The following CPSF1 variants were observed in gnomAD, a reference collection of about 807,000 sequenced individuals.
CPSF1 encodes cleavage and polyadenylation specificity factor subunit 1.
A neutral mutation model predicts 175.8 loss-of-function variants in CPSF1; 106 were observed. The ratio of observed to expected loss-of-function variants is 0.60; its 90% CI spans 0.52 to 0.71. The LOEUF (loss-of-function observed/expected upper bound fraction) is 0.71. Ranked by LOEUF, CPSF1 falls within the 30% of genes least tolerant of loss-of-function variation. CPSF1 has a pLI of 0.00. For missense variants in CPSF1, 1,734 were observed against 2,022.9 expected (o/e 0.86, Z 2.74); for synonymous variants, 1,024 against 858.3 (o/e 1.19, Z -3.37).
In CPSF1 at chr8:144,397,891, G is replaced by C. The variant is rs537269949; in HGVS notation, c.2074-12C>G. The stretch of plus-strand genomic sequence containing the variant: ...ATCACCTTGGACTGCTGCGGGGAGA[G>C]GGGTGGGCTCAGCGGCGGGCAAGGG... On this transcript the variant is annotated splice_polypyrimidine_tract_variant and intron_variant, in intron 20 of 37. Transcript: ENST00000616140. The C allele has an allele frequency of 5.0e-6, 8 of 1,601,024 alleles. No individual in the cohort carries two copies. The East Asian group carries it at 9.0e-5, about 18-fold the overall frequency.
chr8:144,393,627 G>A (rs782673506), intron 36 of CPSF1, 37 bp from the exon 37 acceptor site: 1 of 1,588,400 alleles, frequency 6.3e-7, no homozygotes. Context: ...GGCAGGCTGG[G>A]GTGGAGGGGG....
chr8:144,395,554 G>C lies in CPSF1; in HGVS notation c.2980-3C>G. 1 of 1,595,462 alleles carries C rather than the reference G, an allele frequency of 6.3e-7. No homozygotes were observed. The highest frequency in any genetic ancestry group is 8.6e-7 in the Non-Finnish European group (1 of 1,166,520). On this transcript the variant is annotated splice_polypyrimidine_tract_variant and splice_region_variant and intron_variant, in intron 26 of 37. Coordinates refer to ENST00000616140, the MANE Select transcript of CPSF1 (RefSeq NM_013291.3). Reference sequence around the variant, plus strand: ...AGGACACTGATCCTCAGCTCGCCCTGGGGTGGGGGCACAGGGGTCAGGGGA... The same window carrying C: ...AGGACACTGATCCTCAGCTCGCCCTCGGGTGGGGGCACAGGGGTCAGGGGA...
rs2116906488 is a variant in CPSF1, at chr8:144,406,856, G to A, written c.144+2159C>T. On this transcript the variant is annotated intron_variant, in intron 2 of 37. Coordinates refer to ENST00000616140, the MANE Select transcript of CPSF1 (RefSeq NM_013291.3). ...AATGCTGGGAGGTGTTGCACCCTCC[G>A]CAACCCCCACCAGGGTTGGTAGATA... 1.8e-4 allele frequency among the ~76,000 whole-genome samples: 28 copies of A among 152,294 alleles called. No homozygotes were observed. The South Asian group carries it at 5.6e-3, about 30-fold the overall frequency.
At position 144,397,995 on chromosome 8, in the gene CPSF1, G is replaced by A. The variant is rs782215456; in HGVS notation, c.2032C>T (p.Arg678Cys). ...TTGTGCAGCGCCAGGCGGTGGTGGC[G>A]GCCACCGTAGGAGTCACTCTTCAGC... ...FLLKSDSYGG[R>C]HHRLALHKPP... Residue 678 changes from arginine to cysteine, a missense_variant, in exon 20 of 38, where the codon CGC becomes TGC. Transcript: ENST00000616140. The A allele has an allele frequency of 3.7e-5, 59 of 1,610,982 alleles. 1 individual carries two copies. Among genetic ancestry groups the A allele is most frequent in the East Asian group, 2.9e-4 (13 of 44,882 alleles).
chr8:144,397,273 C>T lies in CPSF1; in HGVS notation c.2526G>A (p.Glu842=). The T allele has an allele frequency of 6.5e-7, 1 of 1,549,366 alleles. No individual in the cohort carries two copies. The highest frequency in any genetic ancestry group is 2.4e-5 in the East Asian group (1 of 41,000). The change falls in exon 23 of 38, where the codon GAG becomes GAA. Residue 842 remains glutamate (E), a synonymous_variant. Transcript: ENST00000616140. ...ARREEATRQG[E]LPLVKEVLLV... ...GCAGCACCTCCTTGACGAGGGGCAG[C>T]TCCCCCTGGCGCGTGGCCTCCTCCC...
Position 144,397,391 on chromosome 8 carries a change from C to A in CPSF1, c.2408G>T (p.Arg803Leu). The A allele has an allele frequency of 6.4e-7, 1 of 1,570,770 alleles. No homozygotes were observed. The highest frequency in any genetic ancestry group is 8.6e-7 in the Non-Finnish European group (1 of 1,157,952). Residue 803 changes from arginine (R) to leucine (L), a missense_variant, in exon 23 of 38, where the codon CGG (arginine) becomes CTG (leucine). Coordinates refer to ENST00000616140, the MANE Select transcript of CPSF1 (RefSeq NM_013291.3). ...TMEIYQLPDWRLVFLVKNFPV... is the reference protein window; with the variant it reads ...TMEIYQLPDWLLVFLVKNFPV... ...GAAGTTCTTCACCAGGAACACCAGC[C>A]GCCAGTCGGGAAGCTGGTAGATCTG...
Position 144,395,172 on chromosome 8 carries a change from G to A in CPSF1, c.3198C>T (p.Tyr1066=), listed in dbSNP as rs376799061. Residue 1066 remains tyrosine (Y), a synonymous_variant, in exon 29 of 38, where the codon TAC becomes TAT. Transcript: ENST00000616140. ...AGAAGGCCTCCTGCTGGGGGTGGATGTACCGCTCATCTGTGGGGACCAAGG... is the reference window on the plus strand; with the variant it reads ...AGAAGGCCTCCTGCTGGGGGTGGATATACCGCTCATCTGTGGGGACCAAGG... ...EFETIERDER[Y]IHPQQEAFSI... 3.6e-5 allele frequency: 58 copies of A among 1,612,590 alleles called. No homozygotes were observed. Among genetic ancestry groups the A allele is most frequent in the African/African-American group, 2.1e-4 (16 of 74,926 alleles).
rs1554862106 is a variant in CPSF1, at chr8:144,393,550, G to A, written c.4186C>T (p.Arg1396Cys). The A allele has an allele frequency of 6.2e-7, 1 of 1,603,884 alleles. No homozygotes were observed. Among genetic ancestry groups the A allele is most frequent in the Non-Finnish European group, 8.5e-7 (1 of 1,177,032 alleles). The part of the protein sequence containing the change: ...VDRRTLQNAV[R>C]NVLDGELLNR... ...AGCAGCTCCCCATCCAGCACGTTGC[G>A]CACGGCATTCTGGAGGGTGCGGCGG... Residue 1396 changes from arginine (R) to cysteine (C), a missense_variant, in exon 37 of 38, where the codon CGC becomes TGC. Physicochemically the swap from Arg to Cys is radical, Grantham distance 180 (BLOSUM62 -3). Around this residue, in one of 10 missense-constraint regions of CPSF1, gnomAD observed 323 missense variants for 338.5 expected, o/e 0.95. Transcript: ENST00000616140.
chr8:144,402,606 T>A (rs1196828488), intron 2 of CPSF1, among the ~76,000 whole-genome samples: 2 of 152,120 alleles, frequency 1.3e-5, no homozygotes, highest in Admixed American at 1.3e-4. Flanking sequence ...CAAGGTCATT[T>A]TTCACGATGG....
chr8:144,408,039 A>G (rs1554869652), intron 2 of CPSF1, among the ~76,000 whole-genome samples: 1 of 152,130 alleles, frequency 6.6e-6, no homozygotes, highest in Non-Finnish European at 1.5e-5. Context: ...CTGGCCAGCA[A>G]ATACATATGT....
At position 144,399,008 on chromosome 8, in the gene CPSF1, T is replaced by G; in HGVS notation, c.1498A>C (p.Ile500Leu). ...FQNSPEPDLE[I>L]VVCSGHGKNG... Reference sequence around the variant, plus strand: ...TTCCCGTGGCCGGAGCAAACCACAATCTCCAGGTCCGGCTCGGGGCTGTTC... The same window carrying G: ...TTCCCGTGGCCGGAGCAAACCACAAGCTCCAGGTCCGGCTCGGGGCTGTTC... Residue 500 changes from isoleucine (I) to leucine (L), a missense_variant, in exon 16 of 38, where the codon ATT becomes CTT. Physicochemically the swap from Ile to Leu is conservative, Grantham distance 5. Around this residue, in one of 10 missense-constraint regions of CPSF1, gnomAD observed 280 missense variants for 349.2 expected, o/e 0.80. Coordinates refer to ENST00000616140, the MANE Select transcript of CPSF1 (RefSeq NM_013291.3). The surrounding 1 kb of genome is among the most constrained non-coding windows in gnomAD (Gnocchi z 6.4). The G allele has an allele frequency of 1.2e-6, 2 of 1,610,354 alleles. No individual in the cohort carries two copies. The highest frequency in any genetic ancestry group is 1.7e-6 in the Non-Finnish European group (2 of 1,178,970).
chr8:144,396,775 G>A (rs375826495), intron 24 of CPSF1, 34 bp from the exon 25 acceptor site: 56 of 1,612,882 alleles, frequency 3.5e-5, no homozygotes, highest in Non-Finnish European at 4.7e-5. Context: ...TCCAGGGGCT[G>A]CCGGTCTGAA....
intron 26 of CPSF1, 170 bp downstream of exon 26, chr8:144,396,178 G>A (rs1007267613): frequency 1.4e-6 from 1 of 717,736 alleles, no homozygotes; most frequent in Non-Finnish European, 2.3e-6. Flanking sequence ...CCAGACCTTT[G>A]GAGCAACCAA....
intron 2 of CPSF1, among the ~76,000 whole-genome samples, chr8:144,404,639 G>C (rs1554868482): frequency 2.0e-5 from 3 of 151,664 alleles, no homozygotes; most frequent in African/African-American, 7.3e-5. Flanking sequence ...CAAAGTGCTG[G>C]GATTACAGGC....
In CPSF1 at chr8:144,397,499, A is replaced by G; in HGVS notation, c.2373T>C (p.Asn791=). Residue 791 remains asparagine, a synonymous_variant, in exon 22 of 38, where the codon AAT becomes AAC. Coordinates refer to ENST00000616140, the MANE Select transcript of CPSF1 (RefSeq NM_013291.3). ...GGGCACCACCTACCTCCATGGTGCC[A>G]TTCTCCCGCACCAGCAGGCACCAGT... ...PTHWCLLVRE[N]GTMEIYQLPD... 5 of 1,593,744 alleles carry G rather than the reference A, an allele frequency of 3.1e-6. No homozygotes were observed. The highest frequency in any genetic ancestry group is 4.3e-6 in the Non-Finnish European group (5 of 1,165,504).
At position 144,396,658 on chromosome 8, in the gene CPSF1, A is replaced by C. The variant is rs782263300; in HGVS notation, c.2766T>G (p.Ala922=). 18 of 1,613,738 alleles carry C rather than the reference A, an allele frequency of 1.1e-5. No homozygotes were observed. The highest frequency in any genetic ancestry group is 1.5e-5 in the Non-Finnish European group (18 of 1,180,018). Residue 922 remains alanine (A), a synonymous_variant, in exon 25 of 38, where the codon GCT becomes GCG. Transcript: ENST00000616140. ...KAEGGGAEEG[A]GARGRVARFR... ...AACGCGCCACGCGGCCCCGGGCCCCAGCCCCCTCCTCTGCGCCGCCACCTT... is the reference window on the plus strand; with the variant it reads ...AACGCGCCACGCGGCCCCGGGCCCCCGCCCCCTCCTCTGCGCCGCCACCTT...
Position 144,398,583 on chromosome 8 carries a change from G to C in CPSF1, c.1694C>G (p.Ala565Gly). 1 of 1,613,948 alleles carries C rather than the reference G, an allele frequency of 6.2e-7. No homozygotes were observed. Among genetic ancestry groups the C allele is most frequent in the Non-Finnish European group, 8.5e-7 (1 of 1,179,976 alleles). Residue 565 changes from alanine to glycine, a missense_variant, in exon 18 of 38, where the codon GCA becomes GGA. Ala to Gly is a moderately conservative substitution (Grantham distance 60, BLOSUM62 0). Coordinates refer to ENST00000616140, the MANE Select transcript of CPSF1 (RefSeq NM_013291.3). ...TCCGTGTCTGCGGCCGTCGTCGTCT[G>C]CTTCAGGGGTGGTGCTGGGTTCCTG... ...TEQEPSTTPE[A>G]DDDGRRHGFL...
At chr8:144,407,018 A>G (rs200470706) in intron 2 of CPSF1, among the ~76,000 whole-genome samples, 1 of 151,834 alleles carries the variant, frequency 6.6e-6, no homozygotes, top group Non-Finnish European at 1.5e-5. Flanking sequence ...GGGTTCAAGC[A>G]ATTCTCCTGC....
At chr8:144,402,173 C>G (rs1226972421) in intron 2 of CPSF1, among the ~76,000 whole-genome samples, 4 of 152,260 alleles carry the variant, frequency 2.6e-5, no homozygotes, top group African/African-American at 9.6e-5. Context: ...TATCTCCTCC[C>G]TTTTCACTGC....
Sources: allele counts gnomAD v4.1 joint callset (sites outside exome capture counted in the v4.1 genomes callset), GRCh38; gene constraint gnomAD v4.1.1; regional missense constraint gnomAD v4.1.1; non-coding constraint Gnocchi (gnomAD v3.1); transcripts MANE v1.5; gene names NCBI Gene and HGNC (gene_info 2026-07-23, HGNC 2026-07-21).